Variants in SLC9A9 observed in about 807,000 individuals in gnomAD.
SLC9A9 encodes the protein solute carrier family 9 member A9, also known as sodium/hydrogen exchanger 9.
A neutral mutation model predicts 77.8 loss-of-function variants in SLC9A9; 62 were observed. The ratio of observed to expected loss-of-function variants is 0.80; its 90% confidence interval spans 0.65 to 0.98. The LOEUF is 0.98. Among genes scored for constraint, SLC9A9 ranks in the 50% least tolerant of loss-of-function variants. The pLI is 0.00. For synonymous variants in SLC9A9, 320 were observed against 283.5 expected (o/e 1.13, Z -1.29); for missense variants, 775 against 774.9 (o/e 1.00, Z 0.00).
intron 5 of SLC9A9, among the ~76,000 whole-genome samples, chr3:143,668,482 A>C (rs1321678733): frequency 6.6e-6 from 1 of 152,156 alleles, no homozygotes; most frequent in Non-Finnish European, 1.5e-5. Context: ...GTATAATAAC[A>C]AAAAAAGTAA....
intron 2 of SLC9A9, among the ~76,000 whole-genome samples, chr3:143,825,264 G>A (rs1005777322): frequency 2.6e-5 from 4 of 152,070 alleles, no homozygotes; most frequent in African/African-American, 7.2e-5. Flanking sequence ...AGCGATTCCT[G>A]TTACAGGAAG....
intron 5 of SLC9A9, among the ~76,000 whole-genome samples, chr3:143,686,705 T>G (rs1008279301): frequency 6.6e-6 from 1 of 152,126 alleles, no homozygotes; most frequent in Non-Finnish European, 1.5e-5. Flanking sequence ...TTATCTTGGA[T>G]AGTCAAATTT....
intron 4 of SLC9A9, among the ~76,000 whole-genome samples, chr3:143,740,449 A>T (rs1404614284): frequency 6.6e-6 from 1 of 152,192 alleles, no homozygotes; most frequent in Non-Finnish European, 1.5e-5. Context: ...CTCAGTTTTA[A>T]AATTAAGCAT....
At position 143,669,928 on chromosome 3, in the gene SLC9A9, G is replaced by A. The variant is rs2039132518; in HGVS notation, c.650-17568C>T. Among the ~76,000 whole-genome samples, 3 of 152,100 alleles carry A rather than the reference G, an allele frequency of 2.0e-5. No homozygotes were observed. The South Asian group carries it at 6.2e-4, about 32-fold the overall frequency. On this transcript the variant is annotated intron_variant, in intron 5 of 15. Coordinates refer to ENST00000316549, the MANE Select transcript of SLC9A9 (RefSeq NM_173653.4). ...TGGTTACTGTATTGTTATTGTTCATGCCATCAAAACTATTAGTGGGTCAGT... is the reference window on the plus strand; with the variant it reads ...TGGTTACTGTATTGTTATTGTTCATACCATCAAAACTATTAGTGGGTCAGT...
chr3:143,549,559 A>G (rs1030058789), intron 9 of SLC9A9, among the ~76,000 whole-genome samples: 11 of 152,212 alleles, frequency 7.2e-5, no homozygotes, highest in African/African-American at 1.9e-4. Context: ...GCAGTTACCT[A>G]GATGTTAAGG....
intron 14 of SLC9A9, among the ~76,000 whole-genome samples, chr3:143,292,128 G>C (rs2030024201): frequency 6.6e-6 from 1 of 152,216 alleles, no homozygotes; most frequent in Non-Finnish European, 1.5e-5. Context: ...TTGAGCTTGT[G>C]GGATGAGGAC....
intron 9 of SLC9A9, among the ~76,000 whole-genome samples, chr3:143,545,767 C>G (rs2036778509): frequency 6.6e-6 from 1 of 152,168 alleles, no homozygotes; most frequent in South Asian, 2.1e-4. Context: ...TTTTTGATTG[C>G]CTCATCCTTG....
At chr3:143,841,683 C>T (rs2009710005) in intron 1 of SLC9A9, among the ~76,000 whole-genome samples, 1 of 152,140 alleles carries the variant, frequency 6.6e-6, no homozygotes, top group Admixed American at 6.5e-5. Context: ...AAAGTTTCAT[C>T]TATAGCTTCT....
chr3:143,419,306 G>A (rs923371113), intron 12 of SLC9A9, among the ~76,000 whole-genome samples: 1 of 152,134 alleles, frequency 6.6e-6, no homozygotes, highest in Non-Finnish European at 1.5e-5. Flanking sequence ...TGCAGGGGGG[G>A]CACAGAGAGC....
intron 8 of SLC9A9, among the ~76,000 whole-genome samples, chr3:143,560,907 G>A (rs1052307153): frequency 2.6e-5 from 4 of 152,170 alleles, no homozygotes; most frequent in Non-Finnish European, 5.9e-5. Context: ...GAGGCCAAAC[G>A]CGGTGGCTCA....
chr3:143,521,335 T>C (rs1038450800), intron 9 of SLC9A9, among the ~76,000 whole-genome samples: 1 of 152,162 alleles, frequency 6.6e-6, no homozygotes, highest in Admixed American at 6.5e-5. Context: ...AGGGGGCTTC[T>C]AGGAGGCTGG....
chr3:143,446,191 A>G (rs886512572), intron 12 of SLC9A9, among the ~76,000 whole-genome samples: 4 of 152,114 alleles, frequency 2.6e-5, no homozygotes, highest in Admixed American at 6.6e-5. Context: ...ATGTCTTCCA[A>G]TAAGTAGAGA....
intron 14 of SLC9A9, among the ~76,000 whole-genome samples, chr3:143,287,403 A>C (rs1477169803): frequency 6.6e-6 from 1 of 152,170 alleles, no homozygotes; most frequent in Non-Finnish European, 1.5e-5. Context: ...AGGGAAAAAA[A>C]AACAACAACC....
At chr3:143,269,159 C>T (rs960606837) in intron 14 of SLC9A9, among the ~76,000 whole-genome samples, 179 bp from the exon 15 acceptor site, 5 of 152,196 alleles carry the variant, frequency 3.3e-5, no homozygotes, top group Non-Finnish European at 7.3e-5. Context: ...ACATACTTTT[C>T]CAGCCTTCCT....
intron 14 of SLC9A9, among the ~76,000 whole-genome samples, chr3:143,362,031 T>TTA (rs1160467694): frequency 3.3e-5 from 5 of 152,216 alleles, no homozygotes; most frequent in African/African-American, 1.2e-4. Flanking sequence ...TATCAGATAC[T>TTA]TATAAGCAAT....
At chr3:143,767,376 ATGTGTGTGTG>A (rs142594079) in intron 4 of SLC9A9, among the ~76,000 whole-genome samples, 261 of 141,376 alleles carry the variant, frequency 1.8e-3, no homozygotes, top group East Asian at 0.015. Context: ...GTGTCTGTGT[ATGTGTGTGTG>A]TGTGTGTGTG....
At chr3:143,623,942 G>A (rs952030789) in intron 6 of SLC9A9, among the ~76,000 whole-genome samples, 9 of 152,170 alleles carry the variant, frequency 5.9e-5, no homozygotes, top group Non-Finnish European at 1.3e-4. Context: ...TACCACCACC[G>A]ATCCCACAGA....
chr3:143,493,444 C>G (rs2035781471), intron 11 of SLC9A9, among the ~76,000 whole-genome samples: 1 of 152,182 alleles, frequency 6.6e-6, no homozygotes, highest in African/African-American at 2.4e-5. Context: ...TGAAGCCATA[C>G]CAATAAGATT....
At chr3:143,455,971 A>T (rs1006235496) in intron 12 of SLC9A9, among the ~76,000 whole-genome samples, 10 of 152,032 alleles carry the variant, frequency 6.6e-5, no homozygotes, top group African/African-American at 2.4e-4. Context: ...AAAATTAGGA[A>T]TATTTGTCTC....
Sources: gnomAD v4.1 joint callset for allele counts (sites outside exome capture counted in the v4.1 genomes callset) on GRCh38, gnomAD v4.1.1 for gene constraint, MANE v1.5 for transcripts, NCBI Gene and HGNC (gene_info 2026-07-23, HGNC 2026-07-21) for gene names.